The following EBF1 variants were observed in gnomAD, a reference collection of about 807,000 sequenced individuals.
EBF1 encodes the protein transcription factor COE1.
Under a neutral mutation model 68.4 loss-of-function variants are expected in EBF1, and 10 were observed. The observed-to-expected ratio is 0.15, with a 90% CI of 0.09 to 0.25. EBF1 has a LOEUF of 0.25. EBF1 is among the 10% of genes least tolerant of loss of function. The pLI, the probability that EBF1 is intolerant of heterozygous loss-of-function variation, is 1.00. For missense variants in EBF1, 509 were observed against 794.4 expected (o/e 0.64, Z 4.32); for synonymous variants, 298 against 299.8 (o/e 0.99, Z 0.06).
At chr5:158,965,722 C>T (rs1414511873) in intron 6 of EBF1, among the ~76,000 whole-genome samples, 5 of 152,216 alleles carry the variant, frequency 3.3e-5, no homozygotes, top group Non-Finnish European at 5.9e-5. Flanking sequence ...ATCCTTGTCT[C>T]TAACCAGACC....
chr5:158,775,816 ACAC>A (rs1775098192), intron 10 of EBF1, among the ~76,000 whole-genome samples: 5 of 150,340 alleles, frequency 3.3e-5, no homozygotes, highest in Non-Finnish European at 5.9e-5. Context: ...ACACACACAC[ACAC>A]ACACACACAC....
At chr5:158,991,675 C>G (rs1474122018) in intron 6 of EBF1, among the ~76,000 whole-genome samples, 1 of 152,114 alleles carries the variant, frequency 6.6e-6, no homozygotes, top group African/African-American at 2.4e-5. Flanking sequence ...ATAAACAATT[C>G]AATATTTTAG....
chr5:159,017,603 G>A (rs941547514), intron 6 of EBF1, among the ~76,000 whole-genome samples: 1 of 152,196 alleles, frequency 6.6e-6, no homozygotes, highest in Non-Finnish European at 1.5e-5. Context: ...CTTGTTTAAT[G>A]TGATAAATTT....
intron 8 of EBF1, among the ~76,000 whole-genome samples, chr5:158,818,437 G>C (rs1396994286): frequency 6.6e-6 from 1 of 152,208 alleles, no homozygotes; most frequent in East Asian, 1.9e-4. Context: ...ATATGCTAAA[G>C]ATCAAGAACA....
intron 6 of EBF1, among the ~76,000 whole-genome samples, chr5:159,062,057 ATCTG>A (rs1266388515): frequency 1.3e-5 from 2 of 152,198 alleles, no homozygotes; most frequent in African/African-American, 4.8e-5. Context: ...AATATGTGTA[ATCTG>A]TCTGTCTGCG....
At chr5:158,766,807 G>C (rs1043719562) in intron 10 of EBF1, among the ~76,000 whole-genome samples, 2 of 152,056 alleles carry the variant, frequency 1.3e-5, no homozygotes, top group African/African-American at 4.8e-5. Context: ...CAACAAAGCA[G>C]GACGCAAAAC....
intron 11 of EBF1, among the ~76,000 whole-genome samples, chr5:158,725,206 C>A (rs1194647669): frequency 6.6e-6 from 1 of 152,150 alleles, no homozygotes; most frequent in African/African-American, 2.4e-5. Flanking sequence ...CACACAGCAC[C>A]ACCAGAGTAG....
intron 6 of EBF1, among the ~76,000 whole-genome samples, chr5:159,054,995 C>T (rs929735173): frequency 2.0e-5 from 3 of 152,200 alleles, no homozygotes; most frequent in South Asian, 2.1e-4. Context: ...TTGTAAGGTG[C>T]ATCATCTAAA....
chr5:158,840,606 C>A (rs1790014463), intron 6 of EBF1, among the ~76,000 whole-genome samples: 1 of 140,660 alleles, frequency 7.1e-6, no homozygotes, highest in Non-Finnish European at 1.5e-5. Context: ...GTAAAATTCA[C>A]AAACTAACTA....
At chr5:158,880,041 T>C (rs887085405) in intron 6 of EBF1, among the ~76,000 whole-genome samples, 7 of 152,312 alleles carry the variant, frequency 4.6e-5, no homozygotes, top group Admixed American at 2.0e-4. Context: ...AACTAATTAA[T>C]GGCAAGAAGC....
At chr5:158,965,335 T>C (rs551269849) in intron 6 of EBF1, among the ~76,000 whole-genome samples, 15 of 148,534 alleles carry the variant, frequency 1.0e-4, no homozygotes, top group African/African-American at 2.0e-4. Flanking sequence ...ATATTGTTTG[T>C]TTAAAGAAAG....
chr5:159,099,328 C>T lies in EBF1; in HGVS notation c.134+17G>A, dbSNP rs1783225036. Reference sequence around the variant, plus strand: ...GCTCGCGGCTCACCTCGGCCGCGGTCCCCGCGCAGTACCCACCTCTGCGCC... The same window carrying T: ...GCTCGCGGCTCACCTCGGCCGCGGTTCCCGCGCAGTACCCACCTCTGCGCC... On this transcript the variant is annotated intron_variant, in intron 1 of 15. Transcript: ENST00000313708. The T allele has an allele frequency of 6.5e-7, 1 of 1,539,652 alleles. No homozygotes were observed. Among genetic ancestry groups the T allele is most frequent in the Non-Finnish European group, 8.7e-7 (1 of 1,145,386 alleles).
intron 11 of EBF1, among the ~76,000 whole-genome samples, chr5:158,722,058 C>T (rs1307979510): frequency 6.6e-6 from 1 of 152,112 alleles, no homozygotes; most frequent in Non-Finnish European, 1.5e-5. Context: ...CAGAGCTGAA[C>T]TTGGTAACCT....
At chr5:158,845,089 A>G (rs1791189666) in intron 6 of EBF1, among the ~76,000 whole-genome samples, 2 of 152,206 alleles carry the variant, frequency 1.3e-5, no homozygotes, top group African/African-American at 4.8e-5. Flanking sequence ...CCCTGCATGC[A>G]TAGTGCCCGG....
At chr5:158,729,790 G>T (rs546640948) in intron 11 of EBF1, among the ~76,000 whole-genome samples, 8 of 152,318 alleles carry the variant, frequency 5.3e-5, no homozygotes, top group African/African-American at 1.9e-4. Flanking sequence ...AAAACTGAAG[G>T]TGTTTTTCCC....
chr5:159,083,906 G>C (rs1044249831), intron 5 of EBF1, among the ~76,000 whole-genome samples: 2 of 152,238 alleles, frequency 1.3e-5, no homozygotes, highest in African/African-American at 4.8e-5. Context: ...CAAGTTAAAG[G>C]GCTGTTCCCT....
intron 6 of EBF1, among the ~76,000 whole-genome samples, chr5:158,891,701 T>C (rs1192748945): frequency 2.0e-5 from 3 of 152,196 alleles, no homozygotes; most frequent in Non-Finnish European, 4.4e-5. Flanking sequence ...CGTATGTGTG[T>C]GCTGTAGACA....
intron 6 of EBF1, among the ~76,000 whole-genome samples, chr5:158,950,010 C>G (rs1815636290): frequency 6.6e-6 from 1 of 152,192 alleles, no homozygotes; most frequent in Admixed American, 6.5e-5. Flanking sequence ...TTAAGCAATT[C>G]CCAGTGGTGT....
At chr5:159,051,002 G>A (rs950929101) in intron 6 of EBF1, among the ~76,000 whole-genome samples, 20 of 152,090 alleles carry the variant, frequency 1.3e-4, no homozygotes, top group African/African-American at 4.6e-4. Context: ...GGTTTTCAGT[G>A]TGGCTTAACA....
Sources: allele counts gnomAD v4.1 joint callset (sites outside exome capture counted in the v4.1 genomes callset), GRCh38; gene constraint gnomAD v4.1.1; transcripts MANE v1.5; gene names NCBI Gene and HGNC (gene_info 2026-07-23, HGNC 2026-07-21).